NUP133: variants seen among roughly 807,000 people sequenced by gnomAD.
NUP133 encodes nuclear pore complex protein Nup133.
NUP133 carries 66 observed loss-of-function variants against 146.2 expected under a neutral mutation model. The observed-to-expected ratio is 0.45, with a 90% CI of 0.37 to 0.55. The LOEUF is 0.55. Among genes scored for constraint, NUP133 ranks in the 20% least tolerant of loss-of-function variants. The pLI is 0.00. For synonymous variants in NUP133, 521 were observed against 498.8 expected (o/e 1.04, Z -0.59); for missense variants, 1,277 against 1,374.8 (o/e 0.93, Z 1.12).
chr1:229,491,195 T>C (rs1377526175), intron 8 of NUP133, among the ~76,000 whole-genome samples: 1 of 152,210 alleles, frequency 6.6e-6, no homozygotes, highest in African/African-American at 2.4e-5. Flanking sequence ...TGTTTCATGA[T>C]ACCATTGGTG....
At chr1:229,462,127 G>A (rs1221467618) in intron 19 of NUP133, among the ~76,000 whole-genome samples, 1 of 152,150 alleles carries the variant, frequency 6.6e-6, no homozygotes, top group Non-Finnish European at 1.5e-5. Flanking sequence ...CAGGTGATCT[G>A]CCCACCTCGG....
intron 14 of NUP133, among the ~76,000 whole-genome samples, chr1:229,474,094 C>T (rs2102765213): frequency 6.6e-6 from 1 of 152,284 alleles, no homozygotes; most frequent in Admixed American, 6.5e-5. Context: ...CACAGGAAGC[C>T]AGTCCAGCCC....
At chr1:229,478,230 TA>T (rs1417269081) in intron 12 of NUP133, among the ~76,000 whole-genome samples, 4 of 152,142 alleles carry the variant, frequency 2.6e-5, no homozygotes, top group African/African-American at 9.7e-5. Flanking sequence ...TTACTTTTAA[TA>T]AAATTTATTT....
intron 8 of NUP133, among the ~76,000 whole-genome samples, chr1:229,490,677 T>A (rs971756371): frequency 6.6e-6 from 1 of 152,132 alleles, no homozygotes; most frequent in African/African-American, 2.4e-5. Flanking sequence ...ATTTGTAGAA[T>A]TAGGGCCAGG....
At chr1:229,507,813 T>A in intron 1 of NUP133, 1 of 637,224 alleles carries the variant, frequency 1.6e-6, no homozygotes, top group South Asian at 6.9e-5. Flanking sequence ...AGGTAAACAC[T>A]GATGCAAATC....
intron 8 of NUP133, 59 bp downstream of exon 8, chr1:229,495,436 C>T (rs1423307874): frequency 7.7e-6 from 9 of 1,164,300 alleles, no homozygotes; most frequent in Non-Finnish European, 1.2e-5. Flanking sequence ...TTATTATAAA[C>T]ATCAACTTAT....
intron 3 of NUP133, among the ~76,000 whole-genome samples, chr1:229,501,304 C>T (rs938325007): frequency 6.6e-6 from 1 of 152,164 alleles, no homozygotes; most frequent in Non-Finnish European, 1.5e-5. Flanking sequence ...ATCAGGATCC[C>T]GCAGCTAACT....
chr1:229,446,357 C>T (rs1660302395), intron 24 of NUP133, among the ~76,000 whole-genome samples: 1 of 151,890 alleles, frequency 6.6e-6, no homozygotes, highest in African/African-American at 2.4e-5. Flanking sequence ...TGCGGCGAGC[C>T]GAGATTGAGC....
intron 5 of NUP133, 75 bp from the exon 6 acceptor site, chr1:229,498,381 G>T: frequency 2.0e-6 from 2 of 999,474 alleles, no homozygotes; most frequent in Non-Finnish European, 2.9e-6. Flanking sequence ...CTTTGATACA[G>T]AGAAAAATCA....
chr1:229,484,225 T>C, intron 11 of NUP133, 80 bp from the exon 12 acceptor site: 1 of 938,938 alleles, frequency 1.1e-6, no homozygotes, highest in Non-Finnish European at 1.7e-6. Flanking sequence ...GCACCCATCC[T>C]ATGATAGCAA....
chr1:229,495,262 A>T (rs1661628380), intron 8 of NUP133, among the ~76,000 whole-genome samples: 1 of 152,100 alleles, frequency 6.6e-6, no homozygotes, highest in Non-Finnish European at 1.5e-5. Flanking sequence ...GTGGTGGCGC[A>T]TGCTTGCAGT....
At chr1:229,442,087 C>T (rs1248078004) in intron 25 of NUP133, 47 bp from the exon 26 acceptor site, 1 of 1,521,826 alleles carries the variant, frequency 6.6e-7, no homozygotes, top group Non-Finnish European at 8.8e-7. Context: ...TTATAAAATG[C>T]TCAAATGAAT....
chr1:229,443,723 A>ATTTT (rs71561738), intron 25 of NUP133, among the ~76,000 whole-genome samples: 14 of 116,156 alleles, frequency 1.2e-4, no homozygotes, highest in Non-Finnish European at 1.5e-4. Context: ...CACATATATA[A>ATTTT]TTTTTTTTTT....
At chr1:229,486,589 A>C in intron 10 of NUP133, 61 bp from the exon 11 acceptor site, 1 of 1,480,582 alleles carries the variant, frequency 6.8e-7, no homozygotes, top group Non-Finnish European at 9.2e-7. Context: ...GCTATGTAAA[A>C]GCTACCACCC....
intron 1 of NUP133, among the ~76,000 whole-genome samples, chr1:229,506,405 A>G (rs1423104138): frequency 1.3e-5 from 2 of 150,536 alleles, no homozygotes; most frequent in Non-Finnish European, 3.0e-5. Context: ...AACTCCTTAT[A>G]ATTCTGCCTC....
chr1:229,454,324 G>A (rs1192898008), intron 21 of NUP133, among the ~76,000 whole-genome samples: 1 of 152,104 alleles, frequency 6.6e-6, no homozygotes, highest in African/African-American at 2.4e-5. Context: ...AGCATTCACA[G>A]CAAAACAGTG....
At chr1:229,496,240 G>A (rs141127528) in intron 6 of NUP133, among the ~76,000 whole-genome samples, 193 bp from the exon 7 acceptor site, 9 of 152,210 alleles carry the variant, frequency 5.9e-5, no homozygotes, top group East Asian at 3.9e-4. Flanking sequence ...TTGGGAGGCC[G>A]AGACAGGTGG....
chr1:229,453,659 C>T lies in NUP133; in HGVS notation c.2981-1016G>A, dbSNP rs1224205060. 3.3e-5 allele frequency among the ~76,000 whole-genome samples: 5 copies of T among 152,290 alleles called. No homozygotes were observed. The South Asian group carries it at 1.0e-3, about 32-fold the overall frequency. On this transcript the variant is annotated intron_variant, in intron 21 of 25. Coordinates refer to ENST00000261396, the MANE Select transcript of NUP133 (RefSeq NM_018230.3). Reference sequence around the variant, plus strand: ...TGAATACTGTTAACACTTCAGCAAGCGGACACTTGCCCACAATAGCAATAG... The same window carrying T: ...TGAATACTGTTAACACTTCAGCAAGTGGACACTTGCCCACAATAGCAATAG...
At chr1:229,463,818 C>T (rs1660750481) in intron 18 of NUP133, 142 bp from the exon 19 acceptor site, 2 of 902,988 alleles carry the variant, frequency 2.2e-6, no homozygotes, top group Admixed American at 6.3e-5. Context: ...CACTTACTGG[C>T]ACTTAGTTTC....
Sources: gnomAD v4.1 joint callset for allele counts (sites outside exome capture counted in the v4.1 genomes callset) on GRCh38, gnomAD v4.1.1 for gene constraint, MANE v1.5 for transcripts, NCBI Gene and HGNC (gene_info 2026-07-23, HGNC 2026-07-21) for gene names.